CLOCK: variants seen among roughly 807,000 people sequenced by gnomAD.
CLOCK encodes the protein clock circadian regulator, also known as circadian locomoter output cycles protein kaput.
A neutral mutation model predicts 118.4 loss-of-function variants in CLOCK; 43 were observed. The observed-to-expected ratio is 0.36, with a 90% CI of 0.28 to 0.47. The LOEUF is 0.47. Ranked by LOEUF, CLOCK falls within the 20% of genes least tolerant of loss-of-function variation. The pLI is 1.00. For synonymous variants in CLOCK, 326 were observed against 339.2 expected (o/e 0.96, Z 0.43); for missense variants, 846 against 999.9 (o/e 0.85, Z 2.08).
At chr4:55,457,127 C>CT (rs1274275912) in intron 11 of CLOCK, among the ~76,000 whole-genome samples, 1 of 152,106 alleles carries the variant, frequency 6.6e-6, no homozygotes, top group Non-Finnish European at 1.5e-5. Flanking sequence ...AAATTCAGAC[C>CT]TCTCTCCTGA....
At position 55,453,071 on chromosome 4, in the gene CLOCK, C is replaced by T; in HGVS notation, c.1189G>A (p.Glu397Lys). Residue 397 changes from glutamate to lysine, a missense_variant, in exon 15 of 23, where the codon GAG becomes AAG. Coordinates refer to ENST00000513440, the MANE Select transcript of CLOCK (RefSeq NM_004898.4). ...AAACATACTTTGTCAGCAGCTGTCT[C>T]AGGAAGAGACTCTTCAATGCCAAGT... is the stretch of plus-strand genomic sequence containing the variant. ...RELGIEESLPETAADKSQDSG... is the reference protein window; with the variant it reads ...RELGIEESLPKTAADKSQDSG... 6.2e-7 allele frequency: 1 copy of T among 1,610,596 alleles called. No homozygotes were observed. The highest frequency in any genetic ancestry group is 8.5e-7 in the Non-Finnish European group (1 of 1,177,756).
chr4:55,494,341 T>C (rs1468915081), intron 2 of CLOCK, among the ~76,000 whole-genome samples: 6 of 152,124 alleles, frequency 3.9e-5, no homozygotes, highest in African/African-American at 7.2e-5. Context: ...CTTATGAAGA[T>C]GTTATGTCAC....
chr4:55,516,542 G>A (rs1010851403), intron 1 of CLOCK, among the ~76,000 whole-genome samples: 1 of 152,112 alleles, frequency 6.6e-6, no homozygotes, highest in African/African-American at 2.4e-5. Context: ...GTTAGTGTTA[G>A]CATATTGTAT....
intron 1 of CLOCK, among the ~76,000 whole-genome samples, chr4:55,518,176 A>C (rs577665347): frequency 6.6e-6 from 1 of 152,308 alleles, no homozygotes; most frequent in East Asian, 1.9e-4. Context: ...CACTTAGGGA[A>C]GGGAGGGTAT....
intron 1 of CLOCK, among the ~76,000 whole-genome samples, chr4:55,525,787 A>G (rs924577725): frequency 6.6e-6 from 1 of 151,942 alleles, no homozygotes; most frequent in Non-Finnish European, 1.5e-5. Context: ...AAAATTTTTT[A>G]AAGTATATGT....
chr4:55,482,630 ATTATGT>A (rs1727009881), intron 4 of CLOCK, 103 bp downstream of exon 4: 1 of 698,154 alleles, frequency 1.4e-6, no homozygotes, highest in African/African-American at 1.8e-5. Flanking sequence ...TGCAATAGTA[ATTATGT>A]TTAGGCATAA....
chr4:55,463,720 A>G lies in CLOCK; in HGVS notation c.524T>C (p.Leu175Pro). ...TTCTGGGGTTAATGAATCACTTTCC[A>G]GCAGATGAGTAGAGAGTATTTTATA... ...EVYKILSTHL[L>P]ESDSLTPEYL... is the part of the protein sequence containing the mutation. The change falls in exon 9 of 23, where the codon CTG (leucine) becomes CCG (proline). Residue 175 changes from leucine (L) to proline (P), a missense_variant. Coordinates refer to ENST00000513440, the MANE Select transcript of CLOCK (RefSeq NM_004898.4). 6.2e-7 allele frequency: 1 copy of G among 1,613,176 alleles called. No homozygotes were observed. Among genetic ancestry groups the G allele is most frequent in the Non-Finnish European group, 8.5e-7 (1 of 1,179,402 alleles).
chr4:55,469,552 ATGT>A (rs1292558308), intron 8 of CLOCK, among the ~76,000 whole-genome samples: 1 of 152,194 alleles, frequency 6.6e-6, no homozygotes, highest in Non-Finnish European at 1.5e-5. Flanking sequence ...GAGGACAGTG[ATGT>A]TGATGATCCT....
At position 55,479,717 on chromosome 4, in the gene CLOCK, G is replaced by C; in HGVS notation, c.48-18C>G. The C allele has an allele frequency of 1.2e-6, 2 of 1,600,776 alleles. No homozygotes were observed. Among genetic ancestry groups the C allele is most frequent in the Non-Finnish European group, 1.7e-6 (2 of 1,168,352 alleles). ...TGTCATCTCTAAAAGAAAGCGGATAGAGAAAGTAAGAGCAGACTCACTAAG... is the reference window on the plus strand; with the variant it reads ...TGTCATCTCTAAAAGAAAGCGGATACAGAAAGTAAGAGCAGACTCACTAAG... On this transcript the variant is annotated intron_variant, in intron 4 of 22. Coordinates refer to ENST00000513440, the MANE Select transcript of CLOCK (RefSeq NM_004898.4).
intron 2 of CLOCK, among the ~76,000 whole-genome samples, chr4:55,492,357 T>TAAAGAAA (rs1727761594): frequency 7.1e-6 from 1 of 141,768 alleles, no homozygotes; most frequent in African/African-American, 2.6e-5. Context: ...CTATTCATGA[T>TAAAGAAA]AAAAAAAAAA....
intron 2 of CLOCK, among the ~76,000 whole-genome samples, chr4:55,494,819 G>A (rs189233860): frequency 9.2e-5 from 14 of 152,252 alleles, no homozygotes; most frequent in Non-Finnish European, 1.5e-5. Context: ...GAAAAAACAA[G>A]GAAACAGATT....
chr4:55,479,602 T>C (rs1312772139), intron 5 of CLOCK, 38 bp downstream of exon 5: 1 of 1,426,178 alleles, frequency 7.0e-7, no homozygotes, highest in Admixed American at 1.7e-5. Flanking sequence ...TTATCTATTA[T>C]TCATTCATTT....
intron 2 of CLOCK, among the ~76,000 whole-genome samples, chr4:55,493,742 G>A (rs976602480): frequency 6.6e-6 from 1 of 152,050 alleles, no homozygotes; most frequent in Admixed American, 6.6e-5. Context: ...CACATATTTG[G>A]TTTTACAGCT....
At chr4:55,491,864 A>T (rs528278854) in intron 2 of CLOCK, among the ~76,000 whole-genome samples, 1 of 152,326 alleles carries the variant, frequency 6.6e-6, no homozygotes, top group Admixed American at 6.5e-5. Context: ...AAAATAAAAA[A>T]AGAAAATCTG....
At chr4:55,486,960 T>C (rs190496335) in intron 3 of CLOCK, among the ~76,000 whole-genome samples, 181 of 152,328 alleles carry the variant, frequency 1.2e-3, no homozygotes, top group African/African-American at 4.3e-3. Flanking sequence ...TCTCTCCTTC[T>C]GGAGCACTTA....
At chr4:55,524,156 A>C (rs1205993354) in intron 1 of CLOCK, among the ~76,000 whole-genome samples, 2 of 152,116 alleles carry the variant, frequency 1.3e-5, no homozygotes. Context: ...TGGGAGGCTG[A>C]GGCGGGCGGA....
At chr4:55,523,088 G>A (rs1299381225) in intron 1 of CLOCK, among the ~76,000 whole-genome samples, 40 of 151,962 alleles carry the variant, frequency 2.6e-4, no homozygotes, top group Admixed American at 2.6e-3. Context: ...GAGGTCAGGA[G>A]ATCGAGACCA....
chr4:55,543,522 A>C (rs1272723461), intron 1 of CLOCK, among the ~76,000 whole-genome samples: 2 of 152,244 alleles, frequency 1.3e-5, no homozygotes, highest in Non-Finnish European at 2.9e-5. Flanking sequence ...AGGGTATACG[A>C]GTAGCTGTGC....
At chr4:55,453,856 T>C in intron 13 of CLOCK, 32 bp from the exon 14 acceptor site, 5 of 1,460,882 alleles carry the variant, frequency 3.4e-6, no homozygotes, top group Non-Finnish European at 4.7e-6. Flanking sequence ...ATTTTTTCTT[T>C]AATTCATATT....
Sources: gnomAD v4.1 joint callset for allele counts (sites outside exome capture counted in the v4.1 genomes callset) on GRCh38, gnomAD v4.1.1 for gene constraint, MANE v1.5 for transcripts, NCBI Gene and HGNC (gene_info 2026-07-23, HGNC 2026-07-21) for gene names.